The following CTBP1 variants were observed in gnomAD, a reference collection of about 807,000 sequenced individuals.
The protein encoded by CTBP1 is C-terminal-binding protein 1.
Under a neutral mutation model 42.1 loss-of-function variants are expected in CTBP1, and 11 were observed. That is an observed-to-expected ratio of 0.26 (90% CI 0.16 to 0.43). CTBP1 has a LOEUF of 0.43. Ranked by LOEUF, CTBP1 falls within the 20% of genes least tolerant of loss-of-function variation. The pLI, the probability that CTBP1 is intolerant of heterozygous loss-of-function variation, is 1.00. For missense variants in CTBP1, 399 were observed against 624.3 expected (o/e 0.64, Z 3.85); for synonymous variants, 324 against 277.1 (o/e 1.17, Z -1.68).
intron 1 of CTBP1, chr4:1,245,655 A>ACACGGGCGGCAGGGCAGGGTGG: frequency 1.0e-6 from 1 of 982,858 alleles, no homozygotes; most frequent in Non-Finnish European, 1.2e-6. Context: ...GGGCAGGGTG[A>ACACGGGCGGCAGGGCAGGGTGG]CACGGGCGGC....
At chr4:1,236,413 G>T (rs1030292258) in intron 3 of CTBP1, 51 of 554,582 alleles carry the variant, frequency 9.2e-5, no homozygotes, top group Non-Finnish European at 1.5e-4. Flanking sequence ...TGTGAAGACC[G>T]CCGCGCAACT....
chr4:1,248,358 A>C (rs1487907758), intron 1 of CTBP1, among the ~76,000 whole-genome samples: 1 of 151,562 alleles, frequency 6.6e-6, no homozygotes, highest in East Asian at 1.9e-4. Context: ...CTCCACGGTC[A>C]TACCCGGCAC....
intron 1 of CTBP1, chr4:1,244,328 G>C: frequency 1.0e-6 from 1 of 974,938 alleles, no homozygotes; most frequent in Non-Finnish European, 1.2e-6. Flanking sequence ...CCCCGATCCA[G>C]ACAGCCACAG....
intron 5 of CTBP1, among the ~76,000 whole-genome samples, chr4:1,218,752 G>A (rs375235340): frequency 3.3e-5 from 5 of 152,260 alleles, no homozygotes; most frequent in Non-Finnish European, 7.3e-5. Context: ...TTATGAAGGC[G>A]TATCCTAATC....
chr4:1,212,466 C>T (rs958433691), intron 9 of CTBP1, 43 bp from the exon 10 acceptor site: 6 of 1,390,396 alleles, frequency 4.3e-6, no homozygotes, highest in Non-Finnish European at 4.7e-6. Context: ...CTGTAGGCGG[C>T]CTGGCCAGGC....
chr4:1,232,124 G>C (rs534530163), intron 3 of CTBP1, among the ~76,000 whole-genome samples: 2 of 152,226 alleles, frequency 1.3e-5, no homozygotes, highest in Admixed American at 6.5e-5. Context: ...ACTCGCTGCA[G>C]CCTTGACCTC....
chr4:1,222,474 G>A (rs1375942353), intron 5 of CTBP1, among the ~76,000 whole-genome samples: 1 of 152,116 alleles, frequency 6.6e-6, no homozygotes, highest in East Asian at 1.9e-4. Flanking sequence ...CTGCCCGAGA[G>A]CCCACAGGAC....
intron 3 of CTBP1, among the ~76,000 whole-genome samples, chr4:1,234,260 C>T (rs983525910): frequency 2.6e-5 from 4 of 152,228 alleles, no homozygotes; most frequent in African/African-American, 7.2e-5. Flanking sequence ...GTCCCTGTGT[C>T]TTTGAGCTTC....
Position 1,241,314 on chromosome 4 carries a change from CCCCT to C in CTBP1, c.7+7_7+10del, listed in dbSNP as rs746730730. On this transcript the variant is annotated splice_region_variant and intron_variant, in intron 2 of 9. Coordinates refer to ENST00000382952, the MANE Select transcript of CTBP1 (RefSeq NM_001012614.2). ...TTCACTCTGCCGCCGACGCCAGGAA[CCCCT>C]ACCAACCTGACATCTCTTAATATGG... is the stretch of plus-strand genomic sequence containing the variant. 9 of 834,314 alleles carry C rather than the reference CCCCT, an allele frequency of 1.1e-5. No individual in the cohort carries two copies. Among genetic ancestry groups the C allele is most frequent in the Non-Finnish European group, 1.7e-5 (8 of 466,986 alleles). 51.7% of individuals were successfully genotyped at this position (834,314 alleles called of 1,614,324 possible).
intron 7 of CTBP1, 32 bp downstream of exon 7, chr4:1,214,311 G>T: frequency 6.6e-7 from 1 of 1,525,886 alleles, no homozygotes; most frequent in East Asian, 2.6e-5. Context: ...GGACAGGGAA[G>T]AGCAGGGGGG....
upstream of CTBP1, chr4:1,249,683 G>A (rs1376037412): frequency 7.1e-6 from 3 of 421,678 alleles, no homozygotes; most frequent in Non-Finnish European, 9.5e-6. Context: ...GACCCCGAGA[G>A]GAGAAGCGCG....
At chr4:1,241,009 G>A (rs1732120361) in intron 2 of CTBP1, among the ~76,000 whole-genome samples, 1 of 152,198 alleles carries the variant, frequency 6.6e-6, no homozygotes, top group Non-Finnish European at 1.5e-5. Context: ...GTTCCGTGTG[G>A]GGCTCCACCC....
intron 2 of CTBP1, among the ~76,000 whole-genome samples, chr4:1,239,098 T>C (rs1168079362): frequency 6.6e-6 from 1 of 152,238 alleles, no homozygotes; most frequent in East Asian, 1.9e-4. Flanking sequence ...TAAAGTCCAC[T>C]CTGTGCCCCT....
intron 7 of CTBP1, 106 bp from the exon 8 acceptor site, chr4:1,213,711 CCA>C (rs1235199940): frequency 7.0e-7 from 1 of 1,432,760 alleles, no homozygotes; most frequent in Non-Finnish European, 9.3e-7. Flanking sequence ...TGCCTGGGAA[CCA>C]CAGACCCCAC....
intron 7 of CTBP1, 101 bp from the exon 8 acceptor site, chr4:1,213,706 G>A: frequency 1.4e-6 from 2 of 1,460,574 alleles, no homozygotes; most frequent in Non-Finnish European, 1.8e-6. Flanking sequence ...GGCCCTGCCT[G>A]GGAACCACAG....
rs574706985 is a variant in CTBP1 at position 1,213,176 on chromosome 4, T to C, written c.989-146A>G. The C allele has an allele frequency of 1.7e-4, 136 of 788,022 alleles. 4 individuals are homozygous for C. In the South Asian group the frequency reaches 2.2e-3, roughly 13 times the overall value. 48.8% of individuals were successfully genotyped at this position (788,022 alleles called of 1,614,324 possible). A position where few individuals can be genotyped will look rare whatever the true frequency, so the allele number is the denominator to read the frequency against. On this transcript the variant is annotated intron_variant, in intron 8 of 9. Transcript: ENST00000382952. ...GGGCTCCCAAGGCACGGCAGGGTCC[T>C]GTCTCTCTGGGCACTGGCACCCTTG...
At chr4:1,221,845 A>AC in intron 5 of CTBP1, 1 of 433,108 alleles carries the variant, frequency 2.3e-6, no homozygotes, top group Admixed American at 2.6e-5. Context: ...TGCACCTAAG[A>AC]CAGTGCATTT....
rs977353675 is a variant in CTBP1, at chr4:1,238,950, G to A, written c.8-613C>T. Among the ~76,000 whole-genome samples, 3 of 152,162 alleles carry A rather than the reference G, an allele frequency of 2.0e-5. No homozygotes were observed. Among genetic ancestry groups the A allele is most frequent in the Non-Finnish European group, 4.4e-5 (3 of 68,030 alleles). On this transcript the variant is annotated intron_variant, in intron 2 of 9. Coordinates refer to ENST00000382952, the MANE Select transcript of CTBP1 (RefSeq NM_001012614.2). The surrounding 1 kb of genome is among the most constrained non-coding windows in gnomAD (Gnocchi z 5.9). ...TTGTCCCTTTCCTGCCTGGGCTACC[G>A]CGTGGCTGCCCGGAATCCCTGATGG...
rs529272336 is a variant in CTBP1, at chr4:1,214,333, G to A, written c.860+10C>T. 20 of 1,543,664 alleles carry A rather than the reference G, an allele frequency of 1.3e-5. No individual in the cohort carries two copies. In the African/African-American group the frequency reaches 1.7e-4, roughly 13 times the overall value. Reference sequence around the variant, plus strand: ...GAAGAGCAGGGGGGCGGCACTGGCCGTGGGGGCACCTGAAGGGTTCCGACT... The same window carrying A: ...GAAGAGCAGGGGGGCGGCACTGGCCATGGGGGCACCTGAAGGGTTCCGACT... On this transcript the variant is annotated intron_variant, in intron 7 of 9. Transcript: ENST00000382952.
Sources: allele counts gnomAD v4.1 joint callset (sites outside exome capture counted in the v4.1 genomes callset), GRCh38; gene constraint gnomAD v4.1.1; non-coding constraint Gnocchi (gnomAD v3.1); transcripts MANE v1.5; gene names NCBI Gene and HGNC (gene_info 2026-07-23, HGNC 2026-07-21).